Variants in STAT5B observed in about 807,000 individuals in gnomAD.
STAT5B encodes the protein signal transducer and activator of transcription 5B, also known as transcription factor STAT5B.
A neutral mutation model predicts 107.8 loss-of-function variants in STAT5B; 21 were observed. The ratio of observed to expected loss-of-function variants is 0.19; its 90% CI spans 0.14 to 0.28. The LOEUF (loss-of-function observed/expected upper bound fraction) is 0.28. STAT5B is among the 10% of genes least tolerant of loss of function. STAT5B has a pLI of 1.00. For synonymous variants in STAT5B, 325 were observed against 401.7 expected (o/e 0.81, Z 2.28); for missense variants, 565 against 1,008.2 (o/e 0.56, Z 5.95).
rs368200320 is a variant in STAT5B, at chr17:42,219,854, G to A, written c.551-12C>T. 9.1e-5 allele frequency: 147 copies of A among 1,614,040 alleles called. No homozygotes were observed. Among genetic ancestry groups the A allele is most frequent in the Non-Finnish European group, 1.1e-4 (132 of 1,179,998 alleles). On this transcript the variant is annotated splice_polypyrimidine_tract_variant and intron_variant, in intron 5 of 18. Transcript: ENST00000293328. ...CGGGCCAAACTGAGCTAGAGGAGGG[G>A]AGAGGAAACCATGACCATCACCTCC...
intron 1 of STAT5B, among the ~76,000 whole-genome samples, chr17:42,250,647 G>A (rs973474552): frequency 7.9e-5 from 12 of 152,010 alleles, no homozygotes; most frequent in Admixed American, 2.0e-4. Flanking sequence ...TCACGAGGCC[G>A]GGCGCGGTGG....
Position 42,232,153 on chromosome 17 carries a change from T to A in STAT5B, c.-10-16A>T, listed in dbSNP as rs2080322606. The A allele has an allele frequency of 1.2e-6, 2 of 1,612,928 alleles. No individual in the cohort carries two copies. The highest frequency in any genetic ancestry group is 1.7e-6 in the Non-Finnish European group (2 of 1,179,312). On this transcript the variant is annotated splice_polypyrimidine_tract_variant and intron_variant, in intron 1 of 18. Transcript: ENST00000293328. ...GGTTTACAATCTGTTGAACAAACAA[T>A]CAGTGCTTTGGGCGTTTTTTCTTTA...
chr17:42,260,109 T>C (rs866806240), intron 1 of STAT5B, among the ~76,000 whole-genome samples: 1 of 152,238 alleles, frequency 6.6e-6, no homozygotes, highest in African/African-American at 2.4e-5. Flanking sequence ...ATGTAGCTAG[T>C]GCGACTGGGG....
intron 2 of STAT5B, among the ~76,000 whole-genome samples, chr17:42,228,270 A>C (rs1319989261): frequency 6.6e-6 from 1 of 152,236 alleles, no homozygotes; most frequent in Non-Finnish European, 1.5e-5. Context: ...TTGCAGACCC[A>C]GGACCTGAAG....
intron 1 of STAT5B, among the ~76,000 whole-genome samples, chr17:42,266,189 T>C (rs1231892945): frequency 6.6e-6 from 1 of 151,996 alleles, no homozygotes; most frequent in Non-Finnish European, 1.5e-5. Flanking sequence ...TGGAATGTAA[T>C]GTTAAGTTCT....
At chr17:42,239,590 A>G (rs1013796736) in intron 1 of STAT5B, among the ~76,000 whole-genome samples, 1 of 152,222 alleles carries the variant, frequency 6.6e-6, no homozygotes, top group African/African-American at 2.4e-5. Context: ...ATTACTTATA[A>G]CAAGTGCTTT....
At chr17:42,211,012 C>T (rs112265833) in intron 13 of STAT5B, among the ~76,000 whole-genome samples, 2 of 151,530 alleles carry the variant, frequency 1.3e-5, no homozygotes, top group African/African-American at 4.9e-5. Context: ...ACCATCCTGG[C>T]CAACATGGTG....
upstream of STAT5B, among the ~76,000 whole-genome samples, chr17:42,280,611 T>C (rs1015118341): frequency 6.6e-6 from 1 of 152,020 alleles, no homozygotes; most frequent in African/African-American, 2.4e-5. Context: ...GATGAATCCT[T>C]CCATAGGGGG....
the STAT5B span, chr17:42,288,078 C>T: frequency 6.6e-6 from 1 of 152,192 alleles, no homozygotes; most frequent in African/African-American, 2.4e-5. The surrounding 1 kb of genome is among the most constrained non-coding windows in gnomAD (Gnocchi z 4.8). Flanking sequence ...TGACACGCGC[C>T]AGAGCTGGAA....
intron 1 of STAT5B, among the ~76,000 whole-genome samples, chr17:42,239,403 C>T (rs1329242404): frequency 6.6e-6 from 1 of 152,030 alleles, no homozygotes; most frequent in African/African-American, 2.4e-5. Flanking sequence ...CAAAAAACAA[C>T]TAATGAAATT....
rs555123749 is a variant in STAT5B at position 42,264,342 on chromosome 17, T to C, written c.-11+11906A>G. Reference sequence around the variant, plus strand: ...ATCTGGCATTAGGTATATCTCCCAATGCTATCCCTCCCCCCTCCCCCCACC... The same window carrying C: ...ATCTGGCATTAGGTATATCTCCCAACGCTATCCCTCCCCCCTCCCCCCACC... On this transcript the variant is annotated intron_variant, in intron 1 of 18. Transcript: ENST00000293328. Among the ~76,000 whole-genome samples, 9 of 147,618 alleles carry C rather than the reference T, an allele frequency of 6.1e-5. No homozygotes were observed. The South Asian group carries it at 2.0e-3, about 33-fold the overall frequency.
At chr17:42,245,744 G>A (rs989830111) in intron 1 of STAT5B, among the ~76,000 whole-genome samples, 12 of 151,130 alleles carry the variant, frequency 7.9e-5, no homozygotes, top group African/African-American at 2.9e-4. Flanking sequence ...GGCTGGTTTC[G>A]AACTCCTGAC....
chr17:42,265,699 C>CA (rs2080664979), intron 1 of STAT5B, among the ~76,000 whole-genome samples: 1 of 151,888 alleles, frequency 6.6e-6, no homozygotes, highest in South Asian at 2.1e-4. Context: ...AACTGCCATC[C>CA]AAAAAAAGCA....
intron 1 of STAT5B, among the ~76,000 whole-genome samples, chr17:42,263,875 A>ACG (rs774911474): frequency 2.4e-5 from 1 of 42,030 alleles, no homozygotes; most frequent in Admixed American, 4.6e-4. Context: ...AAGCGCGCAC[A>ACG]CACACACACA....
chr17:42,257,663 T>C (rs2080557955), intron 1 of STAT5B, among the ~76,000 whole-genome samples: 1 of 152,198 alleles, frequency 6.6e-6, no homozygotes, highest in African/African-American at 2.4e-5. Context: ...GATTCAATCT[T>C]CACAAAGCAC....
intron 1 of STAT5B, among the ~76,000 whole-genome samples, chr17:42,240,802 A>G (rs1300717078): frequency 5.3e-5 from 8 of 152,256 alleles, no homozygotes; most frequent in African/African-American, 1.7e-4. Flanking sequence ...GCCATTTTCT[A>G]TGTACTTTTC....
At chr17:42,202,963 G>C in intron 16 of STAT5B, 155 bp from the exon 17 acceptor site, 1 of 1,009,004 alleles carries the variant, frequency 9.9e-7, no homozygotes, top group Non-Finnish European at 1.5e-6. Context: ...TTTGTTTTTT[G>C]AAACAGTCTC....
chr17:42,255,610 T>G (rs531960126), intron 1 of STAT5B, among the ~76,000 whole-genome samples: 1 of 152,174 alleles, frequency 6.6e-6, no homozygotes, highest in Non-Finnish European at 1.5e-5. Flanking sequence ...GTCAAACTCA[T>G]AGAGACAGAA....
intron 1 of STAT5B, among the ~76,000 whole-genome samples, chr17:42,260,147 G>T (rs9895297): frequency 0.54 from 82,359 of 152,004 alleles, 24,335 homozygotes; most frequent in African/African-American, 0.79. Context: ...TATCTCATTT[G>T]AATTAACTTA....
Sources: gnomAD v4.1 joint callset for allele counts (sites outside exome capture counted in the v4.1 genomes callset) on GRCh38, gnomAD v4.1.1 for gene constraint, Gnocchi (gnomAD v3.1) non-coding constraint, MANE v1.5 for transcripts, NCBI Gene and HGNC (gene_info 2026-07-23, HGNC 2026-07-21) for gene names.